ARHGEF4: variants seen among roughly 807,000 people sequenced by gnomAD.
ARHGEF4 encodes the protein APC-stimulated guanine nucleotide exchange factor 1.
A neutral mutation model predicts 162.0 loss-of-function variants in ARHGEF4; 119 were observed. The ratio of observed to expected loss-of-function variants is 0.73; its 90% CI spans 0.63 to 0.86. The LOEUF is 0.86. ARHGEF4 is among the 40% of genes least tolerant of loss of function. The pLI, the probability that ARHGEF4 is intolerant of heterozygous loss-of-function variation, is 0.00. For missense variants in ARHGEF4, 2,488 were observed against 2,456.0 expected, an observed-to-expected ratio of 1.01 and a Z score of -0.28; for synonymous variants, 1,014 against 979.9, an observed-to-expected ratio of 1.03 and a Z score of -0.65.
chr2:130,916,446 A>C lies in ARHGEF4; in HGVS notation c.2500A>C (p.Arg834=). Residue 834 remains arginine, a synonymous_variant, in exon 2 of 14, where the codon AGG becomes CGG. Coordinates refer to ENST00000409359, the MANE Select transcript of ARHGEF4 (RefSeq NM_001367493.1). The part of the protein sequence containing the change: ...WGSSGPEGLP[R]ENPPAAAGRD... ...CTCTTCAGGCCCCGAGGGGCTCCCC[A>C]GGGAGAATCCGCCCGCTGCGGCCGG... 1 of 1,541,048 alleles carries C rather than the reference A, an allele frequency of 6.5e-7. No homozygotes were observed.
At chr2:130,866,309 G>A (rs1346344113) in intron 1 of ARHGEF4, among the ~76,000 whole-genome samples, 1 of 152,126 alleles carries the variant, frequency 6.6e-6, no homozygotes, top group African/African-American at 2.4e-5. Flanking sequence ...GCTTGAACCC[G>A]GGAAGCAGAG....
chr2:130,885,333 A>G (rs1196135332), intron 1 of ARHGEF4, among the ~76,000 whole-genome samples: 1 of 152,088 alleles, frequency 6.6e-6, no homozygotes, highest in African/African-American at 2.4e-5. Flanking sequence ...GGACAAAAGA[A>G]CTAACATGTT....
intron 5 of ARHGEF4, among the ~76,000 whole-genome samples, chr2:131,036,859 C>T (rs1269823125): frequency 3.9e-5 from 6 of 152,194 alleles, no homozygotes; most frequent in African/African-American, 9.7e-5. Context: ...GTCCCCAGAC[C>T]GCCATGTCTG....
intron 4 of ARHGEF4, among the ~76,000 whole-genome samples, chr2:130,971,606 C>T (rs1235020614): frequency 1.5e-5 from 2 of 137,702 alleles, no homozygotes; most frequent in Non-Finnish European, 3.0e-5. Flanking sequence ...TGCAGTGAAC[C>T]GAGATTGTGC....
At chr2:130,849,454 G>A (rs1197233532) in intron 1 of ARHGEF4, among the ~76,000 whole-genome samples, 2 of 152,110 alleles carry the variant, frequency 1.3e-5, no homozygotes, top group East Asian at 1.9e-4. Context: ...GCTCCTGGGG[G>A]CACCCCACAG....
At chr2:131,018,838 G>A (rs759601748) in intron 4 of ARHGEF4, among the ~76,000 whole-genome samples, 4 of 152,190 alleles carry the variant, frequency 2.6e-5, no homozygotes, top group Non-Finnish European at 5.9e-5. Flanking sequence ...ACTGTTCGCT[G>A]TAAAGACTGT....
At chr2:130,886,185 AT>A (rs1679508073) in intron 1 of ARHGEF4, among the ~76,000 whole-genome samples, 1 of 151,694 alleles carries the variant, frequency 6.6e-6, no homozygotes. Flanking sequence ...TTTGGCCCTT[AT>A]TTATTTTATT....
chr2:130,893,409 C>T (rs1679974864), intron 1 of ARHGEF4, among the ~76,000 whole-genome samples: 1 of 152,184 alleles, frequency 6.6e-6, no homozygotes. Context: ...CAGTAGGTGT[C>T]CCATGAACAA....
chr2:130,877,009 T>C lies in ARHGEF4; in HGVS notation c.40-36977T>C, dbSNP rs1037972135. ...AAATAAAAGGGTCTAGGTACAGTGA[T>C]TCCTAACTTGGGGCTTTTAGTGCCA... is the stretch of plus-strand genomic sequence containing the variant. On this transcript the variant is annotated intron_variant, in intron 1 of 13. Coordinates refer to ENST00000409359, the MANE Select transcript of ARHGEF4 (RefSeq NM_001367493.1). Among the ~76,000 whole-genome samples the C allele has an allele frequency of 5.3e-5, 8 of 152,242 alleles. No homozygotes were observed. The East Asian group carries it at 1.5e-3, about 29-fold the overall frequency.
At chr2:131,023,393 C>T (rs1689271816) in intron 4 of ARHGEF4, among the ~76,000 whole-genome samples, 1 of 151,798 alleles carries the variant, frequency 6.6e-6, no homozygotes. Context: ...TGATCATGCC[C>T]CTGCACTCCA....
At position 130,916,972 on chromosome 2, in the gene ARHGEF4, C is replaced by T. The variant is rs2105059386; in HGVS notation, c.3026C>T (p.Ala1009Val). 2 of 1,550,920 alleles carry T rather than the reference C, an allele frequency of 1.3e-6. No homozygotes were observed. The highest frequency in any genetic ancestry group is 1.4e-5 in the African/African-American group (1 of 73,166). ...AGCGATCACTGGGCACCCCCACTTG[C>T]CTCCACACCTTTGTCCTCCAGTTTA... The part of the protein sequence containing the change: ...VFSDHWAPPL[A>V]STPLSSSLVS... Residue 1009 changes from alanine to valine, a missense_variant, in exon 2 of 14, where the codon GCC (alanine) becomes GTC (valine). Ala to Val is a moderately conservative substitution (Grantham distance 64, BLOSUM62 0). This residue lies in a region of ARHGEF4 where 1,642 missense variants were observed against 1,481.5 expected (regional missense o/e 1.11). Transcript: ENST00000409359.
chr2:131,045,825 G>C, intron 13 of ARHGEF4: 2 of 1,435,916 alleles, frequency 1.4e-6, no homozygotes, highest in Non-Finnish European at 9.1e-7. Flanking sequence ...CCCTCTTCAG[G>C]CTGCTGCAGG....
chr2:130,919,314 G>A (rs1681725000), intron 2 of ARHGEF4, among the ~76,000 whole-genome samples: 2 of 152,022 alleles, frequency 1.3e-5, no homozygotes. Flanking sequence ...TATAAAAGTG[G>A]GATTGCACAA....
chr2:131,019,353 C>T (rs545510165), intron 4 of ARHGEF4, among the ~76,000 whole-genome samples: 1 of 151,442 alleles, frequency 6.6e-6, no homozygotes, highest in Non-Finnish European at 1.5e-5. Flanking sequence ...CGGAGGTTGC[C>T]GTGAGCTGAG....
intron 2 of ARHGEF4, among the ~76,000 whole-genome samples, chr2:130,917,771 T>G (rs1022909829): frequency 6.6e-6 from 1 of 152,212 alleles, no homozygotes; most frequent in Admixed American, 6.5e-5. Flanking sequence ...TTGTATGAAC[T>G]GCCTGCTCCC....
Position 130,992,570 on chromosome 2 carries a change from C to T in ARHGEF4, c.3986-35375C>T, listed in dbSNP as rs574900297. On this transcript the variant is annotated intron_variant, in intron 4 of 13. Coordinates refer to ENST00000409359, the MANE Select transcript of ARHGEF4 (RefSeq NM_001367493.1). ...GCGGGAACACCAGAAGGAAGAAACT[C>T]CGAACCTATCCGACCATCAGAAGGA... Among the ~76,000 whole-genome samples the T allele has an allele frequency of 7.9e-5, 12 of 152,074 alleles. No individual in the cohort carries two copies. The South Asian group carries it at 2.5e-3, about 32-fold the overall frequency.
chr2:130,841,356 G>A (rs1382116107), intron 1 of ARHGEF4, among the ~76,000 whole-genome samples: 1 of 150,254 alleles, frequency 6.7e-6, no homozygotes, highest in East Asian at 2.0e-4. Context: ...GAGCCACCGC[G>A]CCAGGCCTAG....
intron 4 of ARHGEF4, among the ~76,000 whole-genome samples, chr2:130,956,710 T>C (rs1180185411): frequency 6.6e-6 from 1 of 151,764 alleles, no homozygotes; most frequent in Non-Finnish European, 1.5e-5. Flanking sequence ...CTCAGTAAAC[T>C]ATCACAAGGA....
Position 131,002,962 on chromosome 2 carries a change from C to A in ARHGEF4, c.3986-24983C>A, listed in dbSNP as rs12476480. On this transcript the variant is annotated intron_variant, in intron 4 of 13. Transcript: ENST00000409359. ...TGTTTTAATGAATAAACAGGGATGG[C>A]TTTTAATTACTACATTTGCTGAATA... Among the ~76,000 whole-genome samples, 345 of 152,240 alleles carry A rather than the reference C, an allele frequency of 2.3e-3. 7 individuals are homozygous for A. The highest frequency in any genetic ancestry group is 0.016 in the Admixed American group (246 of 15,288).
Sources: gnomAD v4.1 joint callset for allele counts (sites outside exome capture counted in the v4.1 genomes callset) on GRCh38, gnomAD v4.1.1 for gene constraint, gnomAD v4.1.1 regional missense constraint, MANE v1.5 for transcripts, NCBI Gene and HGNC (gene_info 2026-07-23, HGNC 2026-07-21) for gene names.